ASTN1: variants seen among roughly 807,000 people sequenced by gnomAD.
The protein encoded by ASTN1 is astrotactin 1.
ASTN1 carries 41 observed loss-of-function variants against 140.7 expected under a neutral mutation model. The observed-to-expected ratio is 0.29, with a 90% CI of 0.23 to 0.38. The LOEUF is 0.38. Ranked by LOEUF, ASTN1 falls within the 10% of genes least tolerant of loss-of-function variation. ASTN1 has a pLI of 1.00. For missense variants in ASTN1, 1,479 were observed against 1,678.8 expected (o/e 0.88, Z 2.08); for synonymous variants, 640 against 652.2 (o/e 0.98, Z 0.29).
Position 176,959,720 on chromosome 1 carries a change from T to C in ASTN1, c.1599-1238A>G, listed in dbSNP as rs561146707. 1.2e-3 allele frequency among the ~76,000 whole-genome samples: 180 copies of C among 152,272 alleles called. 3 individuals are homozygous for C. The highest frequency in any genetic ancestry group is 2.8e-4 in the Non-Finnish European group (19 of 68,012). On this transcript the variant is annotated intron_variant, in intron 9 of 22. Coordinates refer to ENST00000361833, the MANE Select transcript of ASTN1 (RefSeq NM_004319.3). ...ATTTCCAGGGGCCAGGCAGAGCCAC[T>C]GGTAGGAGGGAAGTGGCCAGGATAT...
chr1:176,871,431 A>G (rs1668339885), intron 21 of ASTN1, among the ~76,000 whole-genome samples: 1 of 152,158 alleles, frequency 6.6e-6, no homozygotes, highest in Admixed American at 6.5e-5. Flanking sequence ...TCCACACGCC[A>G]GGCCCTGGTT....
chr1:176,969,888 C>T (rs1433921694), intron 8 of ASTN1, among the ~76,000 whole-genome samples: 1 of 152,234 alleles, frequency 6.6e-6, no homozygotes, highest in Non-Finnish European at 1.5e-5. Flanking sequence ...TGGGCAGCTA[C>T]AGGTGGCTTC....
intron 16 of ASTN1, among the ~76,000 whole-genome samples, chr1:176,930,249 A>G (rs185010561): frequency 2.6e-5 from 4 of 152,328 alleles, no homozygotes; most frequent in Admixed American, 2.6e-4. Flanking sequence ...TGACCCATCA[A>G]TGGAGTTCAC....
intron 7 of ASTN1, among the ~76,000 whole-genome samples, chr1:177,019,256 C>T (rs1037258229): frequency 6.6e-6 from 1 of 152,184 alleles, no homozygotes; most frequent in Non-Finnish European, 1.5e-5. Flanking sequence ...TACAGTGAAG[C>T]TCCAATTACG....
chr1:177,045,028 C>A (rs889766940), intron 2 of ASTN1, among the ~76,000 whole-genome samples: 2 of 151,994 alleles, frequency 1.3e-5, no homozygotes, highest in Admixed American at 1.3e-4. Flanking sequence ...ATCCCTGAAC[C>A]TTTGTTCTCT....
intron 1 of ASTN1, among the ~76,000 whole-genome samples, chr1:177,063,726 A>C (rs1678213125): frequency 6.6e-6 from 1 of 151,994 alleles, no homozygotes; most frequent in Non-Finnish European, 1.5e-5. Context: ...CCCAAGAAAC[A>C]CACTCTCCTC....
At chr1:177,150,768 G>A (rs1043933068) in intron 1 of ASTN1, among the ~76,000 whole-genome samples, 1 of 152,072 alleles carries the variant, frequency 6.6e-6, no homozygotes, top group Non-Finnish European at 1.5e-5. Context: ...AATGTGTTGT[G>A]TACTTCAGGG....
chr1:176,935,856 G>A (rs542661801), intron 15 of ASTN1, among the ~76,000 whole-genome samples: 5 of 150,540 alleles, frequency 3.3e-5, no homozygotes, highest in Admixed American at 1.3e-4. Flanking sequence ...CTGGTTTTCC[G>A]TCCCCCCTCT....
At chr1:177,110,436 CAGTG>C (rs1488477043) in intron 1 of ASTN1, among the ~76,000 whole-genome samples, 1 of 152,120 alleles carries the variant, frequency 6.6e-6, no homozygotes, top group East Asian at 1.9e-4. Flanking sequence ...CTGAAGCGGC[CAGTG>C]AGTAAGAGTA....
At chr1:176,986,021 G>C (rs186325464) in intron 8 of ASTN1, among the ~76,000 whole-genome samples, 1 of 152,082 alleles carries the variant, frequency 6.6e-6, no homozygotes. Flanking sequence ...TCCAGAGGGC[G>C]CAGCTGAGAA....
At chr1:177,122,136 T>C (rs145674172) in intron 1 of ASTN1, among the ~76,000 whole-genome samples, 1 of 152,254 alleles carries the variant, frequency 6.6e-6, no homozygotes, top group Non-Finnish European at 1.5e-5. Context: ...ATTCTCCTCA[T>C]GCCAAAGTGG....
intron 7 of ASTN1, among the ~76,000 whole-genome samples, chr1:177,018,807 C>A (rs1470390875): frequency 1.3e-5 from 2 of 152,274 alleles, no homozygotes; most frequent in African/African-American, 2.4e-5. Flanking sequence ...AACAAACATA[C>A]AACCATAACA....
intron 1 of ASTN1, among the ~76,000 whole-genome samples, chr1:177,153,281 G>A (rs1228821982): frequency 6.6e-6 from 1 of 152,092 alleles, no homozygotes; most frequent in Non-Finnish European, 1.5e-5. Flanking sequence ...GGTAATCTCT[G>A]CACACTCTGG....
chr1:177,164,589 A>T lies in ASTN1; in HGVS notation c.88T>A (p.Ser30Thr). The change falls in exon 1 of 23, where the codon TCC (serine) becomes ACC (threonine). Residue 30 changes from serine to threonine, a missense_variant. Transcript: ENST00000361833. ...LATAAGDVDP[S>T]KELECKLKSI... is the part of the protein sequence containing the mutation. Reference sequence around the variant, plus strand: ...TTGAGCTTGCACTCCAGCTCCTTGGATGGATCCACGTCGCCGGCGGCCGTG... The same window carrying T: ...TTGAGCTTGCACTCCAGCTCCTTGGTTGGATCCACGTCGCCGGCGGCCGTG... The T allele has an allele frequency of 1.2e-6, 2 of 1,613,438 alleles. No homozygotes were observed. The highest frequency in any genetic ancestry group is 1.7e-6 in the Non-Finnish European group (2 of 1,179,776).
chr1:177,125,791 A>C (rs1681614196), intron 1 of ASTN1, among the ~76,000 whole-genome samples: 1 of 152,206 alleles, frequency 6.6e-6, no homozygotes, highest in South Asian at 2.1e-4. Context: ...ATGGCTCCAT[A>C]AAATATGAAC....
At chr1:177,050,725 A>C (rs1677499500) in intron 2 of ASTN1, among the ~76,000 whole-genome samples, 2 of 152,206 alleles carry the variant, frequency 1.3e-5, no homozygotes, top group South Asian at 4.1e-4. Context: ...TGTTCACCCT[A>C]AACTTTATCA....
At chr1:176,949,043 C>A in intron 12 of ASTN1, 142 bp downstream of exon 12, 2 of 1,221,132 alleles carry the variant, frequency 1.6e-6, no homozygotes, top group East Asian at 2.4e-5. Context: ...ATGTTCCCCC[C>A]CAAGTCCTAG....
At chr1:177,051,324 C>T (rs772798688) in intron 2 of ASTN1, among the ~76,000 whole-genome samples, 3 of 152,228 alleles carry the variant, frequency 2.0e-5, no homozygotes, top group African/African-American at 7.2e-5. Flanking sequence ...TTGAGGTCAG[C>T]AAACCTATGG....
At chr1:177,044,600 T>C (rs893336809) in intron 2 of ASTN1, among the ~76,000 whole-genome samples, 1 of 152,226 alleles carries the variant, frequency 6.6e-6, no homozygotes, top group African/African-American at 2.4e-5. Context: ...GACAAAAGGC[T>C]CAACTCTGCT....
Sources: allele counts gnomAD v4.1 joint callset (sites outside exome capture counted in the v4.1 genomes callset), GRCh38; gene constraint gnomAD v4.1.1; transcripts MANE v1.5; gene names NCBI Gene and HGNC (gene_info 2026-07-23, HGNC 2026-07-21).